SPAST: variants seen among roughly 807,000 people sequenced by gnomAD.
The protein encoded by SPAST is spastin, also known as spastic paraplegia 4 (autosomal dominant; spastin).
SPAST carries 30 observed loss-of-function variants against 76.6 expected under a neutral mutation model. The ratio of observed to expected loss-of-function variants is 0.39; its 90% CI spans 0.29 to 0.53. The LOEUF (loss-of-function observed/expected upper bound fraction) is 0.53, where lower values mean the gene tolerates loss of function less well. Ranked by LOEUF, SPAST falls within the 20% of genes least tolerant of loss-of-function variation. The probability of loss-of-function intolerance (pLI) is 0.68; values close to 1 mark genes in which losing one functional copy is unlikely to be tolerated. For missense variants in SPAST, 717 were observed against 770.5 expected, an observed-to-expected ratio of 0.93 and a Z score of 0.82; for synonymous variants, 305 against 281.0, an observed-to-expected ratio of 1.09 and a Z score of -0.86.
chr2:32,078,778 G>T (rs945702691), intron 1 of SPAST, among the ~76,000 whole-genome samples: 7 of 152,102 alleles, frequency 4.6e-5, no homozygotes, highest in African/African-American at 1.4e-4. Flanking sequence ...ATTCATCAGA[G>T]AAAAAAATAT....
chr2:32,136,804 T>C, intron 10 of SPAST, 73 bp from the exon 11 acceptor site: 1 of 1,291,880 alleles, frequency 7.7e-7, no homozygotes, highest in Non-Finnish European at 1.1e-6. Context: ...TAATAAGTAG[T>C]AAACTAGATT....
At chr2:32,098,354 C>G (rs770409358) in intron 3 of SPAST, among the ~76,000 whole-genome samples, 6 of 151,980 alleles carry the variant, frequency 3.9e-5, no homozygotes, top group Non-Finnish European at 8.8e-5. Flanking sequence ...GTCAACTACT[C>G]AGGAGACTGA....
chr2:32,141,777 C>A, intron 12 of SPAST, 127 bp from the exon 13 acceptor site: 1 of 700,276 alleles, frequency 1.4e-6, no homozygotes, highest in Non-Finnish European at 2.4e-6. Flanking sequence ...AATATTTTTA[C>A]ATTGATAACT....
intron 15 of SPAST, among the ~76,000 whole-genome samples, chr2:32,145,628 A>G (rs749022574): frequency 5.3e-5 from 8 of 150,178 alleles, no homozygotes; most frequent in Non-Finnish European, 1.0e-4. Context: ...AGGAAATTCT[A>G]TAAGAGAAGT....
intron 12 of SPAST, 45 bp from the exon 13 acceptor site, chr2:32,141,859 A>T: frequency 1.3e-6 from 2 of 1,514,260 alleles, no homozygotes; most frequent in Non-Finnish European, 1.8e-6. Flanking sequence ...TTTCAGCTTT[A>T]AATTCAAAAT....
intron 4 of SPAST, among the ~76,000 whole-genome samples, chr2:32,108,221 A>G (rs949842081): frequency 9.8e-5 from 15 of 152,308 alleles, no homozygotes; most frequent in Admixed American, 9.8e-4. Context: ...AATATTCTAA[A>G]GTTGAAAAGT....
intron 4 of SPAST, among the ~76,000 whole-genome samples, chr2:32,110,877 TCG>T (rs1237672768): frequency 5.9e-4 from 66 of 111,654 alleles, no homozygotes; most frequent in Non-Finnish European, 1.0e-3. Flanking sequence ...GTATACTATA[TCG>T]TGTGTATAGA....
Position 32,115,714 on chromosome 2 carries a change from A to G in SPAST, c.883A>G (p.Thr295Ala). The change falls in exon 6 of 17, where the codon ACA becomes GCA. Residue 295 changes from threonine (T) to alanine (A), a missense_variant. This residue lies in a region of SPAST where 543 missense variants were observed against 445.2 expected (regional missense o/e 1.22). Coordinates refer to ENST00000315285, the MANE Select transcript of SPAST (RefSeq NM_014946.4). ...APTTHKGTPKTNRTNKPSTPT... is the reference protein window; with the variant it reads ...APTTHKGTPKANRTNKPSTPT... The stretch of plus-strand genomic sequence containing the variant: ...TGTATCCTTTAAGGGTACTCCGAAA[A>G]CAAATAGGACAAATAAACCTTCTAC... The G allele has an allele frequency of 8.7e-6, 14 of 1,608,798 alleles. No homozygotes were observed. The highest frequency in any genetic ancestry group is 1.2e-5 in the Non-Finnish European group (14 of 1,176,004).
intron 1 of SPAST, among the ~76,000 whole-genome samples, chr2:32,064,929 TAAAC>T (rs1049322831): frequency 7.2e-5 from 11 of 152,318 alleles, no homozygotes; most frequent in Admixed American, 7.2e-4. Context: ...TGCGTAAACT[TAAAC>T]ATACCACTTT....
intron 16 of SPAST, among the ~76,000 whole-genome samples, chr2:32,151,890 G>A (rs146004335): frequency 9.5e-5 from 14 of 148,104 alleles, no homozygotes; most frequent in Non-Finnish European, 1.9e-4. Flanking sequence ...CAGTCTGTGC[G>A]ACAGGAGCGA....
chr2:32,147,181 T>G, intron 15 of SPAST, 37 bp from the exon 16 acceptor site: 1 of 1,510,154 alleles, frequency 6.6e-7, no homozygotes, highest in Non-Finnish European at 9.2e-7. Context: ...CTGCAAAATG[T>G]ATGTATTTTT....
intron 4 of SPAST, among the ~76,000 whole-genome samples, chr2:32,110,793 A>G (rs1173064900): frequency 7.1e-6 from 1 of 141,032 alleles, no homozygotes; most frequent in African/African-American, 2.6e-5. Context: ...TATATAGTAT[A>G]GTATACATAG....
chr2:32,106,883 C>T (rs1227078798), intron 4 of SPAST, among the ~76,000 whole-genome samples: 1 of 148,806 alleles, frequency 6.7e-6, no homozygotes, highest in Non-Finnish European at 1.5e-5. Flanking sequence ...TCAGAAGGCA[C>T]TTACTGAAAA....
At chr2:32,123,147 A>G (rs1271699393) in intron 7 of SPAST, among the ~76,000 whole-genome samples, 1 of 152,086 alleles carries the variant, frequency 6.6e-6, no homozygotes, top group Non-Finnish European at 1.5e-5. Context: ...CTGTAATCTC[A>G]GCTACTCAGG....
chr2:32,113,630 A>G (rs1261626680), intron 4 of SPAST, among the ~76,000 whole-genome samples: 6 of 143,262 alleles, frequency 4.2e-5, no homozygotes, highest in African/African-American at 1.6e-4. Flanking sequence ...CAGTAGTGCA[A>G]TCTCGGCTTA....
intron 1 of SPAST, among the ~76,000 whole-genome samples, chr2:32,072,341 C>T (rs995970191): frequency 8.5e-5 from 13 of 152,204 alleles, no homozygotes; most frequent in African/African-American, 2.9e-4. Flanking sequence ...CTGTGCCCGG[C>T]CTCAAAATAC....
chr2:32,147,275 T>C lies in SPAST; in HGVS notation c.1728+17T>C. 1 of 1,555,116 alleles carries C rather than the reference T, an allele frequency of 6.4e-7. No individual in the cohort carries two copies. The highest frequency in any genetic ancestry group is 8.9e-7 in the Non-Finnish European group (1 of 1,127,526). On this transcript the variant is annotated intron_variant, in intron 16 of 16. Transcript: ENST00000315285. ...GCCAGTGAGGTATAGTATTTTACAA[T>C]GATATTTTCTTTGTCTTCTATATTG...
chr2:32,135,829 A>G (rs1341232690), intron 9 of SPAST, among the ~76,000 whole-genome samples: 2 of 152,170 alleles, frequency 1.3e-5, no homozygotes, highest in Non-Finnish European at 2.9e-5. Flanking sequence ...GATTGGAAAC[A>G]TTATTCAGAA....
rs181994087 is a variant in SPAST at position 32,084,660 on chromosome 2, C to T, written c.416-2832C>T. 1.3e-4 allele frequency among the ~76,000 whole-genome samples: 20 copies of T among 150,932 alleles called. No homozygotes were observed. The South Asian group carries it at 2.1e-3, about 16-fold the overall frequency. On this transcript the variant is annotated intron_variant, in intron 1 of 16. Transcript: ENST00000315285. ...TAGCACTTTTGGAGGCTGAGGCGGG[C>T]GGATCACCTGAGGTCGGGAGTTTGA... is the stretch of plus-strand genomic sequence containing the variant.
Sources: allele counts gnomAD v4.1 joint callset (sites outside exome capture counted in the v4.1 genomes callset), GRCh38; gene constraint gnomAD v4.1.1; regional missense constraint gnomAD v4.1.1; transcripts MANE v1.5; gene names NCBI Gene and HGNC (gene_info 2026-07-23, HGNC 2026-07-21).